SUSD1: variants seen among roughly 807,000 people sequenced by gnomAD.
SUSD1 encodes the protein sushi domain-containing protein 1.
In SUSD1, 65 loss-of-function variants were observed where a neutral mutation model predicts 86.9. That is an observed-to-expected ratio of 0.75 (90% confidence interval 0.61 to 0.92). SUSD1 has a LOEUF of 0.92. Ranked by LOEUF, SUSD1 falls within the 40% of genes least tolerant of loss-of-function variation. SUSD1 has a pLI of 0.00. For missense variants in SUSD1, 850 were observed against 929.7 expected (o/e 0.91, Z 1.11); for synonymous variants, 346 against 350.0 (o/e 0.99, Z 0.13).
intron 15 of SUSD1, among the ~76,000 whole-genome samples, chr9:112,046,083 A>C (rs1246445178): frequency 6.6e-6 from 1 of 152,204 alleles, no homozygotes; most frequent in Non-Finnish European, 1.5e-5. Flanking sequence ...TCCAGGAATG[A>C]TTCTTGCTGG....
intron 2 of SUSD1, among the ~76,000 whole-genome samples, chr9:112,155,188 T>C (rs1488545050): frequency 6.6e-6 from 1 of 151,238 alleles, no homozygotes; most frequent in Admixed American, 6.6e-5. Flanking sequence ...GAGGCAGAGG[T>C]TGCAGTAAGC....
chr9:112,152,734 C>A, intron 2 of SUSD1, among the ~76,000 whole-genome samples: 1 of 129,392 alleles, frequency 7.7e-6, no homozygotes, highest in South Asian at 2.5e-4. Flanking sequence ...CTTTTTTCTT[C>A]TATTATTTTT....
At chr9:112,145,324 G>A (rs1025138442) in intron 3 of SUSD1, among the ~76,000 whole-genome samples, 3 of 141,320 alleles carry the variant, frequency 2.1e-5, no homozygotes, top group Admixed American at 7.5e-5. Flanking sequence ...CTGTTGCCCA[G>A]GCTGGAGTGC....
chr9:112,170,736 G>GAGAGAGAGAA (rs1298493500), intron 1 of SUSD1, among the ~76,000 whole-genome samples: 1 of 151,044 alleles, frequency 6.6e-6, no homozygotes, highest in Non-Finnish European at 1.5e-5. Flanking sequence ...GAGAGAGAGA[G>GAGAGAGAGAA]CCTTGCTCTG....
intron 10 of SUSD1, among the ~76,000 whole-genome samples, chr9:112,091,506 A>G (rs1034854213): frequency 6.6e-6 from 1 of 152,220 alleles, no homozygotes; most frequent in South Asian, 2.1e-4. Context: ...ACTTACCAAC[A>G]TTATTTTGGG....
intron 10 of SUSD1, among the ~76,000 whole-genome samples, chr9:112,090,459 T>C (rs1830160152): frequency 6.6e-6 from 1 of 152,198 alleles, no homozygotes; most frequent in African/African-American, 2.4e-5. Context: ...CCAAATGCTA[T>C]GTGAATTGTC....
rs560364354 is a variant in SUSD1 at position 112,045,379 on chromosome 9, T to C, written c.2150-3419A>G. On this transcript the variant is annotated intron_variant, in intron 15 of 16. Transcript: ENST00000374270. ...GGACAGAAATCCATATCATGCATAT[T>C]CTTGGGTTTGATTTCAACTCATCAA... is the stretch of plus-strand genomic sequence containing the variant. Among the ~76,000 whole-genome samples the C allele has an allele frequency of 4.6e-5, 7 of 152,338 alleles. No individual in the cohort carries two copies. In the South Asian group the frequency reaches 1.5e-3, roughly 32 times the overall value.
intron 1 of SUSD1, among the ~76,000 whole-genome samples, chr9:112,165,886 AAAG>A (rs1321433193): frequency 1.2e-5 from 1 of 84,086 alleles, no homozygotes; most frequent in Non-Finnish European, 2.3e-5. Context: ...AGAGAAAGAA[AAAG>A]AAAGAAAGAA....
intron 2 of SUSD1, 120 bp from the exon 3 acceptor site, chr9:112,149,519 T>A: frequency 8.8e-7 from 1 of 1,139,756 alleles, no homozygotes; most frequent in Non-Finnish European, 1.3e-6. Flanking sequence ...ACCTTAGTGA[T>A]CTATTTCTCC....
intron 5 of SUSD1, among the ~76,000 whole-genome samples, chr9:112,137,485 A>T (rs992148012): frequency 6.6e-6 from 1 of 152,078 alleles, no homozygotes; most frequent in African/African-American, 2.4e-5. Flanking sequence ...TCCTATGTAA[A>T]TCCTTAGAGC....
chr9:112,130,584 GAAGGAAGGAAAGGAAGGAAAGGA>G (rs1210002534), intron 5 of SUSD1, among the ~76,000 whole-genome samples: 2 of 147,642 alleles, frequency 1.4e-5, no homozygotes, highest in Admixed American at 1.4e-4. Flanking sequence ...AGGAAAGGAG[GAAGGAAGGAAAGGAAGGAAAGGA>G]AAGGAAGGAA....
At chr9:112,135,275 T>C (rs1446907639) in intron 5 of SUSD1, among the ~76,000 whole-genome samples, 1 of 152,232 alleles carries the variant, frequency 6.6e-6, no homozygotes, top group African/African-American at 2.4e-5. Context: ...ATGAACTTTA[T>C]TTAGCCTTGA....
chr9:112,158,789 T>G (rs1407130840), intron 1 of SUSD1, among the ~76,000 whole-genome samples: 1 of 152,176 alleles, frequency 6.6e-6, no homozygotes, highest in Admixed American at 6.6e-5. Flanking sequence ...TCATTATATT[T>G]GGTTCTAGCT....
rs545315853 is a variant in SUSD1 at position 112,041,728 on chromosome 9, G to A, written c.2243+139C>T. 5.7e-4 allele frequency: 451 copies of A among 789,608 alleles called. 1 individual carries two copies. The highest frequency in any genetic ancestry group is 8.2e-4 in the Non-Finnish European group (389 of 473,090). 48.9% of individuals were successfully genotyped at this position (789,608 alleles called of 1,614,324 possible). ...TACAGGGTTAGTCATGCCTTTCACC[G>A]CTGAGTGTGCTCTGCTGAGCCAAGG... On this transcript the variant is annotated intron_variant, in intron 16 of 16. Transcript: ENST00000374270.
chr9:112,146,934 C>A (rs1019602780), intron 3 of SUSD1, among the ~76,000 whole-genome samples: 2 of 152,156 alleles, frequency 1.3e-5, no homozygotes, highest in South Asian at 4.1e-4. Flanking sequence ...CCATGCCCAG[C>A]CTTCTTCATA....
chr9:112,078,659 A>G lies in SUSD1; in HGVS notation c.1632T>C (p.Ser544=), dbSNP rs750741964. 1 of 1,614,120 alleles carries G rather than the reference A, an allele frequency of 6.2e-7. No homozygotes were observed. The highest frequency in any genetic ancestry group is 2.2e-5 in the East Asian group (1 of 44,886). ...EFAQEMTFNI[S]SSSRDPEVCL... ...ACACCTCGGGATCTCGGCTGCTGCT[A>G]CTGATATTAAAGGTCATTTCCTGGG... Residue 544 remains serine (S), a synonymous_variant, in exon 12 of 17, where the codon AGT becomes AGC. Coordinates refer to ENST00000374270, the MANE Select transcript of SUSD1 (RefSeq NM_022486.5).
intron 6 of SUSD1, among the ~76,000 whole-genome samples, chr9:112,115,081 G>C (rs547379013): frequency 1.1e-4 from 16 of 152,286 alleles, no homozygotes; most frequent in African/African-American, 3.4e-4. Context: ...ATTTCTCCAT[G>C]TCAGAAAATG....
chr9:112,047,397 C>A (rs566073978), intron 15 of SUSD1, among the ~76,000 whole-genome samples: 3 of 152,044 alleles, frequency 2.0e-5, no homozygotes, highest in Non-Finnish European at 4.4e-5. Context: ...AGAAGAAAAC[C>A]GTATTAGGGC....
intron 1 of SUSD1, among the ~76,000 whole-genome samples, chr9:112,161,820 C>CAAA (rs11354546): frequency 1.7e-5 from 2 of 119,572 alleles, no homozygotes; most frequent in African/African-American, 6.1e-5. Context: ...AGACTCCATC[C>CAAA]AAAAAAAAAA....
Sources: allele counts gnomAD v4.1 joint callset (sites outside exome capture counted in the v4.1 genomes callset), GRCh38; gene constraint gnomAD v4.1.1; transcripts MANE v1.5; gene names NCBI Gene and HGNC (gene_info 2026-07-23, HGNC 2026-07-21).